FHIT: variants seen among roughly 807,000 people sequenced by gnomAD.
FHIT encodes the protein fragile histidine triad diadenosine triphosphatase, also known as bis(5'-adenosyl)-triphosphatase.
In FHIT, 19 loss-of-function variants were observed where a neutral mutation model predicts 17.9. The ratio of observed to expected loss-of-function variants is 1.06; its 90% CI spans 0.74 to 1.56. The LOEUF is 1.56. Ranked by LOEUF, FHIT falls within the 40% of genes most tolerant of loss-of-function variation. The pLI is 0.00. For missense variants in FHIT, 248 were observed against 189.2 expected (o/e 1.31, Z -1.82); for synonymous variants, 81 against 69.7 (o/e 1.16, Z -0.81).
Position 60,220,431 on chromosome 3 carries a change from TATTA to T in FHIT, c.104-206283_104-206280del, listed in dbSNP as rs1185964653. Among the ~76,000 whole-genome samples the T allele has an allele frequency of 2.8e-4, 43 of 152,268 alleles. No individual in the cohort carries two copies. In the East Asian group the frequency reaches 6.0e-3, roughly 21 times the overall value. On this transcript the variant is annotated intron_variant, in intron 5 of 9. Transcript: ENST00000492590. Reference sequence around the variant, plus strand: ...AATTATGGAAATAATGCCCAAGAGATATTAATTATTAAAAAAAATAAATCAACTG... The same window carrying T: ...AATTATGGAAATAATGCCCAAGAGATATTATTAAAAAAAATAAATCAACTG...
At chr3:60,591,759 G>A (rs2038092896) in intron 4 of FHIT, among the ~76,000 whole-genome samples, 2 of 152,046 alleles carry the variant, frequency 1.3e-5, no homozygotes, top group Admixed American at 6.6e-5. Flanking sequence ...CGGCAGAAGA[G>A]GGTGCTTTCC....
chr3:59,916,491 C>T (rs1256107333), intron 8 of FHIT, among the ~76,000 whole-genome samples: 6 of 152,176 alleles, frequency 3.9e-5, no homozygotes, highest in Non-Finnish European at 8.8e-5. Flanking sequence ...ATACATCTAT[C>T]CTACTAGTTC....
chr3:59,876,035 A>G (rs1703144089), intron 8 of FHIT, among the ~76,000 whole-genome samples: 1 of 152,136 alleles, frequency 6.6e-6, no homozygotes, highest in Admixed American at 6.5e-5. Flanking sequence ...AGAGACACAG[A>G]AATCAAAAAG....
chr3:59,913,883 C>G (rs558873073), intron 8 of FHIT, among the ~76,000 whole-genome samples: 7 of 152,294 alleles, frequency 4.6e-5, no homozygotes, highest in African/African-American at 1.7e-4. Context: ...GGTATACCAG[C>G]TATTTCTTGA....
intron 3 of FHIT, among the ~76,000 whole-genome samples, chr3:61,003,709 C>G (rs1485998378): frequency 6.6e-6 from 1 of 152,072 alleles, no homozygotes; most frequent in African/African-American, 2.4e-5. Context: ...TAAAAAAGTC[C>G]AAAGAGAAGA....
chr3:60,106,286 A>C (rs1559637115), intron 5 of FHIT, among the ~76,000 whole-genome samples: 1 of 152,216 alleles, frequency 6.6e-6, no homozygotes, highest in Non-Finnish European at 1.5e-5. Flanking sequence ...TTTTAAGTGA[A>C]AAGTCAAAAG....
At chr3:60,119,366 C>A (rs954649533) in intron 5 of FHIT, among the ~76,000 whole-genome samples, 2 of 146,444 alleles carry the variant, frequency 1.4e-5, no homozygotes, top group Admixed American at 6.7e-5. Flanking sequence ...AGCCATCATG[C>A]CCAGCCTATA....
chr3:59,839,908 C>G (rs1701469617), intron 8 of FHIT, among the ~76,000 whole-genome samples: 1 of 152,154 alleles, frequency 6.6e-6, no homozygotes. Flanking sequence ...TGACAAGGTC[C>G]CTCAAGGGAG....
chr3:60,482,209 T>A (rs1167079943), intron 5 of FHIT, among the ~76,000 whole-genome samples: 2 of 152,128 alleles, frequency 1.3e-5, no homozygotes, highest in Non-Finnish European at 2.9e-5. Context: ...AGACTTAGAC[T>A]CCCACACAAT....
chr3:60,907,907 C>T (rs1706520977), intron 3 of FHIT, among the ~76,000 whole-genome samples: 1 of 152,124 alleles, frequency 6.6e-6, no homozygotes, highest in East Asian at 1.9e-4. Context: ...ATTTTACAGA[C>T]AAAATGGAAA....
intron 3 of FHIT, among the ~76,000 whole-genome samples, chr3:61,030,879 G>C (rs2107667042): frequency 6.6e-6 from 1 of 152,306 alleles, no homozygotes. Context: ...GGGCAGGTCT[G>C]TTTCCATAAC....
chr3:60,955,633 T>TATATATACACAC (rs1272864632), intron 3 of FHIT, among the ~76,000 whole-genome samples: 60 of 39,496 alleles, frequency 1.5e-3, no homozygotes, highest in African/African-American at 4.6e-3. Context: ...TATATATATA[T>TATATATACACAC]ACACACACAC....
rs143511186 is a variant in FHIT at position 59,932,910 on chromosome 3, C to T, written c.280-10496G>A. On this transcript the variant is annotated intron_variant, in intron 7 of 9. Coordinates refer to ENST00000492590, the MANE Select transcript of FHIT (RefSeq NM_002012.4). ...TTCTCCTATCTCTAATTTTTTGCTCCTTGGGCTTCCTCCAGTAGATTCTAA... is the reference window on the plus strand; with the variant it reads ...TTCTCCTATCTCTAATTTTTTGCTCTTTGGGCTTCCTCCAGTAGATTCTAA... 2.8e-3 allele frequency among the ~76,000 whole-genome samples: 424 copies of T among 152,120 alleles called. 5 individuals are homozygous for T. The highest frequency in any genetic ancestry group is 8.6e-3 in the African/African-American group (355 of 41,498).
At chr3:60,155,447 G>A (rs1434894175) in intron 5 of FHIT, among the ~76,000 whole-genome samples, 1 of 151,542 alleles carries the variant, frequency 6.6e-6, no homozygotes, top group Non-Finnish European at 1.5e-5. Flanking sequence ...GAAGCTGCCT[G>A]GAACAGTCCA....
In FHIT at chr3:61,079,121, G is replaced by A. The variant is rs75357079; in HGVS notation, c.-163-37022C>T. 5.7e-3 allele frequency among the ~76,000 whole-genome samples: 874 copies of A among 152,152 alleles called. 5 individuals are homozygous for A. Among genetic ancestry groups the A allele is most frequent in the Non-Finnish European group, 9.3e-3 (632 of 68,006 alleles). ...TAAATCCTCCTCAAAACTCTATCAG[G>A]TATCATAATTTATCCTTGTGACATG... On this transcript the variant is annotated intron_variant, in intron 2 of 9. Coordinates refer to ENST00000492590, the MANE Select transcript of FHIT (RefSeq NM_002012.4).
At chr3:60,459,222 T>G (rs892937194) in intron 5 of FHIT, among the ~76,000 whole-genome samples, 2 of 152,208 alleles carry the variant, frequency 1.3e-5, no homozygotes, top group Non-Finnish European at 2.9e-5. Context: ...AGTGAATTAG[T>G]ATATTTTAAG....
At chr3:61,048,104 CA>C (rs2033882394) in intron 2 of FHIT, among the ~76,000 whole-genome samples, 2 of 151,726 alleles carry the variant, frequency 1.3e-5, no homozygotes, top group Non-Finnish European at 2.9e-5. Context: ...GCAATGGCAA[CA>C]AAAGCCAAAA....
At chr3:60,845,673 T>C (rs1470282853) in intron 3 of FHIT, among the ~76,000 whole-genome samples, 1 of 152,196 alleles carries the variant, frequency 6.6e-6, no homozygotes, top group Non-Finnish European at 1.5e-5. Context: ...TTATTTCATA[T>C]GCAGACTTCA....
At chr3:60,324,908 G>A (rs1709615543) in intron 5 of FHIT, among the ~76,000 whole-genome samples, 1 of 151,676 alleles carries the variant, frequency 6.6e-6, no homozygotes, top group Admixed American at 6.6e-5. Flanking sequence ...GGGTAAAAAG[G>A]CTTTTCTATT....
Sources: gnomAD v4.1 joint callset for allele counts (sites outside exome capture counted in the v4.1 genomes callset) on GRCh38, gnomAD v4.1.1 for gene constraint, MANE v1.5 for transcripts, NCBI Gene and HGNC (gene_info 2026-07-23, HGNC 2026-07-21) for gene names.